ARFGAP3: variants seen among roughly 807,000 people sequenced by gnomAD.
The protein encoded by ARFGAP3 is ARF GTPase activating protein 3.
ARFGAP3 carries 72 observed loss-of-function variants against 75.0 expected under a neutral mutation model. The ratio of observed to expected loss-of-function variants is 0.96; its 90% CI spans 0.79 to 1.17. ARFGAP3 has a LOEUF of 1.17. ARFGAP3 is among the 50% of genes most tolerant of loss of function. ARFGAP3 has a pLI of 0.00. For missense variants in ARFGAP3, 620 were observed against 626.6 expected, an observed-to-expected ratio of 0.99 and a Z score of 0.11; for synonymous variants, 221 against 217.9, an observed-to-expected ratio of 1.01 and a Z score of -0.13.
At chr22:42,831,861 G>C (rs5751380) in intron 5 of ARFGAP3, 226,596 of 483,240 alleles carry the variant, frequency 0.47, 54,447 homozygotes, top group Non-Finnish European at 0.48. Flanking sequence ...CAGCTCACTG[G>C]AGCCTTGACC....
At position 42,839,616 on chromosome 22, in the gene ARFGAP3, A is replaced by G. The variant is rs549223858; in HGVS notation, c.261+1328T>C. On this transcript the variant is annotated intron_variant, in intron 3 of 15. Transcript: ENST00000263245. ...CTGTCTCAAAAAAAAAAAAAAAAGA[A>G]TGGGTTTTTTAATTTGTAGATTTAA... Among the ~76,000 whole-genome samples, 6 of 147,498 alleles carry G rather than the reference A, an allele frequency of 4.1e-5. No individual in the cohort carries two copies. The South Asian group carries it at 1.3e-3, about 32-fold the overall frequency.
chr22:42,852,274 G>A (rs181871246), intron 1 of ARFGAP3, among the ~76,000 whole-genome samples: 4 of 151,852 alleles, frequency 2.6e-5, no homozygotes, highest in East Asian at 1.9e-4. Context: ...GCCCAGGCTG[G>A]TGTCAAACTC....
intron 12 of ARFGAP3, among the ~76,000 whole-genome samples, chr22:42,809,510 G>GT (rs914226997): frequency 7.9e-5 from 12 of 151,818 alleles, no homozygotes; most frequent in Admixed American, 7.9e-4. Flanking sequence ...AGGCAAAATT[G>GT]TAAGGCCAGA....
chr22:42,844,854 T>C (rs1326575822), intron 2 of ARFGAP3, among the ~76,000 whole-genome samples: 2 of 152,220 alleles, frequency 1.3e-5, no homozygotes, highest in Non-Finnish European at 2.9e-5. Context: ...TGAATTTTAA[T>C]TGCTGTTTTT....
chr22:42,843,684 G>A (rs1314904704), intron 2 of ARFGAP3, among the ~76,000 whole-genome samples: 2 of 152,084 alleles, frequency 1.3e-5, no homozygotes, highest in Non-Finnish European at 2.9e-5. Context: ...TCTTATTTAC[G>A]TTGTATTTAA....
chr22:42,847,920 A>G (rs1927093118), intron 1 of ARFGAP3, among the ~76,000 whole-genome samples: 1 of 151,070 alleles, frequency 6.6e-6, no homozygotes, highest in South Asian at 2.1e-4. Context: ...GCTGGAGTGC[A>G]ATGGTGCAAT....
Position 42,835,379 on chromosome 22 carries a change from G to A in ARFGAP3, c.376C>T (p.Arg126Trp), listed in dbSNP as rs199879210. Residue 126 changes from arginine to tryptophan, a missense_variant, in exon 4 of 16, where the codon CGG becomes TGG. Physicochemically the swap from Arg to Trp is moderately radical, Grantham distance 101. Coordinates refer to ENST00000263245, the MANE Select transcript of ARFGAP3 (RefSeq NM_014570.5). ...KIKSLASQAT[R>W]KHGTDLWLDS... The stretch of plus-strand genomic sequence containing the variant: ...TGACTTACATCAGTGCCATGCTTCC[G>A]TGTTGCTTGAGAGGCGAGCGATTTG... 289 of 1,613,854 alleles carry A rather than the reference G, an allele frequency of 1.8e-4. No individual in the cohort carries two copies. The highest frequency in any genetic ancestry group is 1.4e-4 in the Non-Finnish European group (166 of 1,179,932).
At chr22:42,811,032 C>T (rs1925348283) in intron 11 of ARFGAP3, 88 bp from the exon 12 acceptor site, 2 of 1,540,476 alleles carry the variant, frequency 1.3e-6, no homozygotes, top group Admixed American at 2.1e-5. Context: ...GTGGGGGATG[C>T]CTCCTTGAAG....
chr22:42,805,545 T>C (rs966563329), intron 14 of ARFGAP3, among the ~76,000 whole-genome samples: 7 of 152,078 alleles, frequency 4.6e-5, no homozygotes, highest in African/African-American at 1.4e-4. Context: ...GAAGTTGCCC[T>C]GACAACAGGC....
intron 1 of ARFGAP3, among the ~76,000 whole-genome samples, chr22:42,852,851 G>A (rs935311209): frequency 1.3e-5 from 2 of 152,100 alleles, no homozygotes; most frequent in Admixed American, 6.5e-5. Context: ...TGCAACCTCT[G>A]CTTCCTGGAT....
At chr22:42,805,920 A>C (rs972175702) in intron 14 of ARFGAP3, among the ~76,000 whole-genome samples, 3 of 152,216 alleles carry the variant, frequency 2.0e-5, no homozygotes, top group African/African-American at 7.2e-5. Context: ...CCTCCACTGC[A>C]GCACAGCAAC....
intron 11 of ARFGAP3, 120 bp downstream of exon 11, chr22:42,817,022 G>T: frequency 1.3e-6 from 1 of 757,386 alleles, no homozygotes; most frequent in Non-Finnish European, 2.2e-6. Flanking sequence ...TCCAGCCAGA[G>T]CTTTTAAAAA....
At chr22:42,809,426 A>G (rs1179995447) in intron 12 of ARFGAP3, among the ~76,000 whole-genome samples, 3 of 152,200 alleles carry the variant, frequency 2.0e-5, no homozygotes, top group Non-Finnish European at 4.4e-5. Flanking sequence ...GTCTTCCCCA[A>G]GTGTACTAAG....
At chr22:42,817,380 A>T (rs1036106131) in intron 10 of ARFGAP3, 116 bp from the exon 11 acceptor site, 2 of 1,380,032 alleles carry the variant, frequency 1.4e-6, no homozygotes, top group Admixed American at 6.1e-5. Context: ...AGGGGTTAAA[A>T]ACATAAGCAA....
At chr22:42,856,786 C>G (rs1281283012) in intron 1 of ARFGAP3, among the ~76,000 whole-genome samples, 1 of 151,332 alleles carries the variant, frequency 6.6e-6, no homozygotes, top group Non-Finnish European at 1.5e-5. Flanking sequence ...GCAGCGCCCC[C>G]GAGGATGCCC....
At chr22:42,844,476 T>C (rs1233547466) in intron 2 of ARFGAP3, among the ~76,000 whole-genome samples, 1 of 151,814 alleles carries the variant, frequency 6.6e-6, no homozygotes, top group African/African-American at 2.4e-5. Flanking sequence ...TCCCAGCTAC[T>C]TCGGAGGCTG....
chr22:42,856,053 T>C (rs1490012034), intron 1 of ARFGAP3, among the ~76,000 whole-genome samples: 1 of 151,736 alleles, frequency 6.6e-6, no homozygotes, highest in Non-Finnish European at 1.5e-5. Context: ...AAAAAATAAA[T>C]AAATAAAAAT....
intron 6 of ARFGAP3, among the ~76,000 whole-genome samples, chr22:42,827,625 C>T (rs551589575): frequency 3.3e-5 from 5 of 152,288 alleles, no homozygotes; most frequent in Admixed American, 1.3e-4. Flanking sequence ...CTTGGCCTCC[C>T]GAAGTGCCAG....
chr22:42,834,288 G>C lies in ARFGAP3; in HGVS notation c.431C>G (p.Pro144Arg). The C allele has an allele frequency of 1.2e-6, 2 of 1,613,866 alleles. No homozygotes were observed. The highest frequency in any genetic ancestry group is 2.2e-5 in the South Asian group (2 of 91,068). ...LDSCVVPPLS[P>R]PPKEEDFFAS... ...AAAAAAATCTTCCTCCTTTGGTGGA[G>C]GGGACAAAGGTGGAACCACACAACT... The change falls in exon 5 of 16, where the codon CCT becomes CGT. Residue 144 changes from proline to arginine, a missense_variant. Physicochemically the swap from Pro to Arg is moderately radical, Grantham distance 103. Transcript: ENST00000263245.
Sources: gnomAD v4.1 joint callset for allele counts (sites outside exome capture counted in the v4.1 genomes callset) on GRCh38, gnomAD v4.1.1 for gene constraint, MANE v1.5 for transcripts, NCBI Gene and HGNC (gene_info 2026-07-23, HGNC 2026-07-21) for gene names.